Variants in NAA60 observed in about 807,000 individuals in gnomAD.
The protein encoded by NAA60 is N-alpha-acetyltransferase 60, NatF catalytic subunit.
A neutral mutation model predicts 26.1 loss-of-function variants in NAA60; 8 were observed. The observed-to-expected ratio is 0.31, with a 90% CI of 0.18 to 0.55. NAA60 has a LOEUF of 0.55. Ranked by LOEUF, NAA60 falls within the 20% of genes least tolerant of loss-of-function variation. NAA60 has a pLI of 0.93. For missense variants in NAA60, 290 were observed against 311.3 expected (o/e 0.93, Z 0.51); for synonymous variants, 131 against 122.5 (o/e 1.07, Z -0.46).
Position 3,476,237 on chromosome 16 carries a change from G to T in NAA60, c.10G>T (p.Val4Leu). 6.2e-7 allele frequency: 1 copy of T among 1,612,820 alleles called. No homozygotes were observed. Among genetic ancestry groups the T allele is most frequent in the East Asian group, 2.2e-5 (1 of 44,828 alleles). MTE[V>L]VPSSALSEVS... ...TTCCCCACAGGTGTGAATGACAGAG[G>T]TGGTGCCATCCAGCGCGCTCAGCGA... Residue 4 changes from valine (V) to leucine (L), a missense_variant, in exon 3 of 8, where the codon GTG (valine) becomes TTG (leucine). Coordinates refer to ENST00000407558, the MANE Select transcript of NAA60 (RefSeq NM_001083601.3).
At chr16:3,476,173 A>T in intron 2 of NAA60, 49 bp from the exon 3 acceptor site, 1 of 1,430,312 alleles carries the variant, frequency 7.0e-7, no homozygotes, top group East Asian at 2.4e-5. Flanking sequence ...GCTGAGCATG[A>T]GGAAGACCAG....
chr16:3,480,845 G>T (rs780842191), intron 4 of NAA60, among the ~76,000 whole-genome samples: 41 of 152,312 alleles, frequency 2.7e-4, no homozygotes, highest in Non-Finnish European at 5.7e-4. Context: ...GGCAGTGGAG[G>T]TTGCAGTGAG....
intron 2 of NAA60, among the ~76,000 whole-genome samples, chr16:3,465,980 C>T (rs921719421): frequency 4.6e-5 from 7 of 152,180 alleles, no homozygotes; most frequent in Admixed American, 2.6e-4. Context: ...AGTCAGGACC[C>T]GGGACCTTGC....
chr16:3,472,530 T>A (rs540166615), intron 2 of NAA60: 2 of 152,218 alleles, frequency 1.3e-5, no homozygotes, highest in Non-Finnish European at 2.9e-5. Flanking sequence ...CCGCCCAAGT[T>A]CAAGCAATTC....
chr16:3,457,520 C>T (rs1171191686), intron 2 of NAA60, among the ~76,000 whole-genome samples: 3 of 152,240 alleles, frequency 2.0e-5, no homozygotes, highest in East Asian at 3.8e-4. Flanking sequence ...GCCTGTTTTA[C>T]TCAGGGACAG....
chr16:3,443,895 T>G, intron 1 of NAA60, 58 bp downstream of exon 1: 1 of 1,488,668 alleles, frequency 6.7e-7, no homozygotes, highest in Non-Finnish European at 8.9e-7. Context: ...CAGAGCAAGG[T>G]GATTGAGAGG....
At chr16:3,473,975 C>G (rs188001651) in intron 2 of NAA60, among the ~76,000 whole-genome samples, 6 of 152,230 alleles carry the variant, frequency 3.9e-5, no homozygotes, top group Admixed American at 3.9e-4. Flanking sequence ...CTCAGGTGAT[C>G]CACCAGCCTT....
At chr16:3,454,956 C>T (rs11867029) in intron 2 of NAA60, among the ~76,000 whole-genome samples, 13,856 of 152,282 alleles carry the variant, frequency 0.091, 888 homozygotes, top group South Asian at 0.17. Flanking sequence ...ACCGAATGAA[C>T]CGTTGTGAAG....
intron 2 of NAA60, among the ~76,000 whole-genome samples, chr16:3,462,892 A>G (rs2035501877): frequency 6.6e-6 from 1 of 152,230 alleles, no homozygotes; most frequent in South Asian, 2.1e-4. Context: ...GAAAAGGAAA[A>G]TGCCTTTTTT....
At chr16:3,476,185 C>A in intron 2 of NAA60, 37 bp from the exon 3 acceptor site, 1 of 1,490,734 alleles carries the variant, frequency 6.7e-7, no homozygotes, top group Non-Finnish European at 9.2e-7. Context: ...GAAGACCAGG[C>A]TGTGAGGTGA....
At chr16:3,474,038 T>C (rs753295715) in intron 2 of NAA60, among the ~76,000 whole-genome samples, 11 of 152,052 alleles carry the variant, frequency 7.2e-5, no homozygotes, top group African/African-American at 1.2e-4. Context: ...CCGGCCTATT[T>C]TTAAAGGGTC....
intron 2 of NAA60, among the ~76,000 whole-genome samples, chr16:3,453,977 A>C (rs1185387811): frequency 1.3e-5 from 2 of 152,104 alleles, no homozygotes; most frequent in South Asian, 2.1e-4. Context: ...GGTTGGAATC[A>C]CCTGGGGTTG....
intron 4 of NAA60, among the ~76,000 whole-genome samples, chr16:3,479,931 T>C (rs2036722352): frequency 6.6e-6 from 1 of 152,204 alleles, no homozygotes; most frequent in African/African-American, 2.4e-5. Context: ...GGCGGCAGTG[T>C]CATAGAAACC....
chr16:3,463,714 A>T (rs1021108057), intron 2 of NAA60, among the ~76,000 whole-genome samples: 1 of 152,000 alleles, frequency 6.6e-6, no homozygotes, highest in African/African-American at 2.4e-5. Context: ...AAAAAAAAAA[A>T]AAAAATTCAA....
chr16:3,455,769 G>T (rs1007657140), intron 2 of NAA60, among the ~76,000 whole-genome samples: 1 of 151,944 alleles, frequency 6.6e-6, no homozygotes, highest in South Asian at 2.1e-4. Flanking sequence ...GTACAGTGGC[G>T]CGATCTCGGC....
intron 2 of NAA60, among the ~76,000 whole-genome samples, chr16:3,455,059 AT>A (rs1024076318): frequency 1.3e-5 from 2 of 152,046 alleles, no homozygotes; most frequent in African/African-American, 4.8e-5. Context: ...TTAAAGGAGT[AT>A]TTTTTTCTTT....
chr16:3,443,992 G>C, intron 1 of NAA60, 155 bp downstream of exon 1: 1 of 1,339,552 alleles, frequency 7.5e-7, no homozygotes, highest in East Asian at 2.8e-5. Context: ...GAGTATCTTT[G>C]TGTACGTTCA....
intron 5 of NAA60, chr16:3,483,029 CTTAA>C: frequency 2.1e-6 from 1 of 481,150 alleles, no homozygotes; most frequent in South Asian, 2.5e-5. Flanking sequence ...GCGGCAGAGT[CTTAA>C]TTAATTTTAA....
At chr16:3,453,618 G>C (rs2034868923) in intron 2 of NAA60, among the ~76,000 whole-genome samples, 1 of 152,002 alleles carries the variant, frequency 6.6e-6, no homozygotes, top group Admixed American at 6.6e-5. Flanking sequence ...ATGTTGGTCA[G>C]GCTGGTCTCG....
Sources: allele counts gnomAD v4.1 joint callset (sites outside exome capture counted in the v4.1 genomes callset), GRCh38; gene constraint gnomAD v4.1.1; transcripts MANE v1.5; gene names NCBI Gene and HGNC (gene_info 2026-07-23, HGNC 2026-07-21).